The following TRIM40 variants were observed in gnomAD, a reference collection of about 807,000 sequenced individuals.
TRIM40 encodes E3 ubiquitin ligase TRIM40.
Under a neutral mutation model 26.1 loss-of-function variants are expected in TRIM40, and 27 were observed. The ratio of observed to expected loss-of-function variants is 1.04; its 90% CI spans 0.76 to 1.43. The LOEUF (loss-of-function observed/expected upper bound fraction) is 1.43. TRIM40 is among the 40% of genes most tolerant of loss of function. TRIM40 has a pLI of 0.00. For missense variants in TRIM40, 289 were observed against 307.9 expected, an observed-to-expected ratio of 0.94 and a Z score of 0.46; for synonymous variants, 114 against 120.0, an observed-to-expected ratio of 0.95 and a Z score of 0.33.
intron 3 of TRIM40, 132 bp downstream of exon 3, chr6:30,146,221 G>C (rs1032315482): frequency 2.0e-5 from 15 of 750,558 alleles, no homozygotes; most frequent in Non-Finnish European, 3.1e-5. Flanking sequence ...GAAAACCCGG[G>C]TGTTGGCCTT....
intron 5 of TRIM40, 87 bp downstream of exon 5, chr6:30,147,629 C>G (rs1273941105): frequency 1.9e-6 from 3 of 1,611,016 alleles, no homozygotes; most frequent in Non-Finnish European, 2.5e-6. Context: ...ACCCACTGCT[C>G]CGTTAGCTTT....
intron 2 of TRIM40, among the ~76,000 whole-genome samples, chr6:30,139,734 G>A (rs1323488253): frequency 5.9e-5 from 9 of 152,196 alleles, no homozygotes; most frequent in Admixed American, 5.9e-4. Flanking sequence ...AGGGCTGGCA[G>A]AAGAGAAATC....
At chr6:30,141,141 T>C (rs1771320634) in intron 2 of TRIM40, among the ~76,000 whole-genome samples, 1 of 151,934 alleles carries the variant, frequency 6.6e-6, no homozygotes, top group Non-Finnish European at 1.5e-5. Flanking sequence ...AACAACAAAG[T>C]GAAATTAACA....
intron 2 of TRIM40, among the ~76,000 whole-genome samples, chr6:30,139,752 A>T (rs902641576): frequency 6.6e-6 from 1 of 152,192 alleles, no homozygotes; most frequent in African/African-American, 2.4e-5. Context: ...ATCAACCTGC[A>T]AAGACAGGGG....
chr6:30,141,708 C>A (rs1253558844), intron 2 of TRIM40, among the ~76,000 whole-genome samples: 1 of 152,112 alleles, frequency 6.6e-6, no homozygotes, highest in Admixed American at 6.5e-5. Flanking sequence ...TTTGGAAATC[C>A]AGGTTTTGTT....
At position 30,137,320 on chromosome 6, in the gene TRIM40, T is replaced by C; in HGVS notation, c.284T>C (p.Val95Ala). ...SRLLLCVECL[V>A]SPEHMSHHEL... ...CTTCTTCTATGTGTGGAATGCCTGG[T>C]GTCCCCTGAACACATGTCTCATCAT... is the stretch of plus-strand genomic sequence containing the variant. Residue 95 changes from valine to alanine, a missense_variant, in exon 2 of 6, where the codon GTG (valine) becomes GCG (alanine). By Grantham distance (64) the Val-to-Ala change is moderately conservative (BLOSUM62 0). Coordinates refer to ENST00000396581, the MANE Select transcript of TRIM40 (RefSeq NM_001286633.2). 1 of 1,612,902 alleles carries C rather than the reference T, an allele frequency of 6.2e-7. No homozygotes were observed. Among genetic ancestry groups the C allele is most frequent in the Non-Finnish European group, 8.5e-7 (1 of 1,179,884 alleles).
intron 2 of TRIM40, among the ~76,000 whole-genome samples, chr6:30,138,247 A>T (rs2857435): frequency 0.19 from 29,614 of 152,208 alleles, 3,305 homozygotes; most frequent in East Asian, 0.27. Context: ...ATTGGCAGAC[A>T]TTGGGTCATT....
intron 4 of TRIM40, 146 bp downstream of exon 4, chr6:30,147,355 A>G (rs918972516): frequency 1.3e-5 from 18 of 1,361,760 alleles, no homozygotes; most frequent in Non-Finnish European, 1.9e-5. Context: ...TCCAGGCTAC[A>G]GAGTGCTGCT....
At chr6:30,136,217 G>A (rs1348727191) in intron 1 of TRIM40, 28 bp downstream of exon 1, 1 of 152,310 alleles carries the variant, frequency 6.6e-6, no homozygotes, top group African/African-American at 2.4e-5. Context: ...CTTTTCAGGA[G>A]TGGGGCTAGG....
intron 3 of TRIM40, 83 bp downstream of exon 3, chr6:30,146,172 C>A: frequency 8.6e-7 from 1 of 1,164,502 alleles, no homozygotes; most frequent in Non-Finnish European, 1.3e-6. Context: ...TCTGTCTGTC[C>A]CTGGAACAGC....
chr6:30,147,433 T>C (rs1771736703), intron 4 of TRIM40, 87 bp from the exon 5 acceptor site: 2 of 1,598,672 alleles, frequency 1.3e-6, no homozygotes, highest in South Asian at 1.1e-5. Flanking sequence ...CACCCCAGAG[T>C]GGCCTCCAAG....
chr6:30,147,909 C>A lies in TRIM40; in HGVS notation c.*97C>A. ...AGGCCCCCACTGGGTCTACCCAGTG[C>A]ATCTTCGGGCCTGCCAGCTCCTGAA... On this transcript the variant is annotated 3_prime_UTR_variant, in exon 6 of 6. Transcript: ENST00000396581. 1.0e-6 allele frequency: 1 copy of A among 978,156 alleles called. No homozygotes were observed. The highest frequency in any genetic ancestry group is 1.6e-6 in the Non-Finnish European group (1 of 616,722). The allele number at this position is 978,156 out of a possible 1,614,324, so 60.6% of individuals were successfully genotyped here.
chr6:30,148,014 C>A lies in TRIM40; in HGVS notation c.*202C>A. On this transcript the variant is annotated 3_prime_UTR_variant, in exon 6 of 6. Transcript: ENST00000396581. ...TCTTGGACGATAGCCAGCCTCCTTC[C>A]AGGACAGGCTCATGCTTGGGGCTGC... 1 of 602,586 alleles carries A rather than the reference C, an allele frequency of 1.7e-6. No homozygotes were observed. The highest frequency in any genetic ancestry group is 2.9e-5 in the Admixed American group (1 of 34,188). 37.3% of individuals were successfully genotyped at this position (602,586 alleles called of 1,614,324 possible). A position where few individuals can be genotyped will look rare whatever the true frequency, so the allele number is the denominator to read the frequency against.
chr6:30,142,003 A>G (rs1446497890), intron 2 of TRIM40, among the ~76,000 whole-genome samples: 2 of 152,110 alleles, frequency 1.3e-5, no homozygotes, highest in Non-Finnish European at 2.9e-5. Context: ...ACAGAGAGGG[A>G]GGGTAAGGGA....
At chr6:30,137,408 C>G in intron 2 of TRIM40, 27 bp downstream of exon 2, 1 of 1,587,512 alleles carries the variant, frequency 6.3e-7, no homozygotes, top group Non-Finnish European at 8.6e-7. Flanking sequence ...GCAGCCAGGC[C>G]CTGCCTCCAC....
At chr6:30,139,072 G>A (rs1468485567) in intron 2 of TRIM40, among the ~76,000 whole-genome samples, 7 of 152,186 alleles carry the variant, frequency 4.6e-5, no homozygotes, top group Non-Finnish European at 7.3e-5. Context: ...CTTTGTGTTA[G>A]ATGTCATGCT....
chr6:30,138,495 T>C (rs1409007194), intron 2 of TRIM40, among the ~76,000 whole-genome samples: 1 of 152,246 alleles, frequency 6.6e-6, no homozygotes, highest in Non-Finnish European at 1.5e-5. Context: ...ATGCATATTT[T>C]CTTGCATACT....
intron 2 of TRIM40, among the ~76,000 whole-genome samples, chr6:30,145,011 C>T (rs1206923240): frequency 6.6e-6 from 1 of 152,132 alleles, no homozygotes; most frequent in African/African-American, 2.4e-5. Context: ...TTTTTAGTAA[C>T]TTTGTGGTGA....
chr6:30,145,144 G>A (rs1042218269), intron 2 of TRIM40, among the ~76,000 whole-genome samples: 3 of 151,734 alleles, frequency 2.0e-5, no homozygotes, highest in Non-Finnish European at 4.4e-5. Flanking sequence ...AGAACTTTCA[G>A]TTGTCTTCAC....
Sources: gnomAD v4.1 joint callset for allele counts (sites outside exome capture counted in the v4.1 genomes callset) on GRCh38, gnomAD v4.1.1 for gene constraint, MANE v1.5 for transcripts, NCBI Gene and HGNC (gene_info 2026-07-23, HGNC 2026-07-21) for gene names.